SNX8: variants seen among roughly 807,000 people sequenced by gnomAD.
SNX8 encodes the protein sorting nexin-8.
Under a neutral mutation model 51.6 loss-of-function variants are expected in SNX8, and 25 were observed. The observed-to-expected ratio is 0.48, with a 90% CI of 0.35 to 0.68. The LOEUF is 0.68. Ranked by LOEUF, SNX8 falls within the 30% of genes least tolerant of loss-of-function variation. SNX8 has a pLI of 0.00. For missense variants in SNX8, 695 were observed against 624.0 expected, an observed-to-expected ratio of 1.11 and a Z score of -1.21; for synonymous variants, 324 against 277.0, an observed-to-expected ratio of 1.17 and a Z score of -1.68.
chr7:2,334,639 G>A (rs1448853660), intron 1 of SNX8, among the ~76,000 whole-genome samples: 1 of 152,090 alleles, frequency 6.6e-6, no homozygotes, highest in Admixed American at 6.6e-5. Context: ...GGCAGAGGTT[G>A]CAGTAAGCTG....
chr7:2,320,329 T>G (rs1335687919), intron 1 of SNX8, among the ~76,000 whole-genome samples: 1 of 152,104 alleles, frequency 6.6e-6, no homozygotes, highest in African/African-American at 2.4e-5. Context: ...CCTCAGATAA[T>G]TCAAATGTGC....
In SNX8 at chr7:2,268,413, G is replaced by A. The variant is rs1394530463; in HGVS notation, c.621+1146C>T. On this transcript the variant is annotated intron_variant, in intron 5 of 10. Coordinates refer to ENST00000222990, the MANE Select transcript of SNX8 (RefSeq NM_013321.4). ...CCACCCCATCTGGGAAGTGAGGAGC[G>A]TCTCCGCCCGGCAGCCACCCCATCC... 7.5e-4 allele frequency among the ~76,000 whole-genome samples: 104 copies of A among 138,178 alleles called. 1 individual carries two copies. Among genetic ancestry groups the A allele is most frequent in the Non-Finnish European group, 1.3e-3 (82 of 63,472 alleles). 90.7% of individuals were successfully genotyped at this position (138,178 alleles called of 152,430 possible). A position where few individuals can be genotyped will look rare whatever the true frequency, so the allele number is the denominator to read the frequency against.
rs139537688 is a variant in SNX8 at position 2,253,590 on chromosome 7, C to T, written c.*1466G>A. On this transcript the variant is annotated 3_prime_UTR_variant, in exon 11 of 11. Coordinates refer to ENST00000222990, the MANE Select transcript of SNX8 (RefSeq NM_013321.4). ...CATCTGGCCAGAAGGAAGCAGCCCA[C>T]CTCACAGCAGGAAGGCAGCAGCAGA... 516 of 152,884 alleles carry T rather than the reference C, an allele frequency of 3.4e-3. 12 individuals carry two copies. Among genetic ancestry groups the T allele is most frequent in the Admixed American group, 0.025 (377 of 15,310 alleles). 9.5% of individuals were successfully genotyped at this position (152,884 alleles called of 1,614,324 possible).
intron 1 of SNX8, among the ~76,000 whole-genome samples, chr7:2,347,363 C>T (rs1779051155): frequency 2.0e-5 from 3 of 151,120 alleles, no homozygotes; most frequent in Admixed American, 6.6e-5. Flanking sequence ...CGCCTGTAGT[C>T]CTCAATCCTC....
chr7:2,256,638 T>A (rs1016605892), intron 10 of SNX8, among the ~76,000 whole-genome samples: 2 of 152,208 alleles, frequency 1.3e-5, no homozygotes, highest in Non-Finnish European at 2.9e-5. Context: ...ACTCTCCCTG[T>A]CTGCTCCTCC....
intron 4 of SNX8, 74 bp downstream of exon 4, chr7:2,271,776 G>A (rs1795649056): frequency 6.6e-7 from 1 of 1,522,394 alleles, no homozygotes; most frequent in Non-Finnish European, 8.9e-7. Context: ...AACCACACCT[G>A]AGAGAGGAAA....
chr7:2,324,682 G>A (rs1778594753), intron 1 of SNX8, among the ~76,000 whole-genome samples: 1 of 152,172 alleles, frequency 6.6e-6, no homozygotes, highest in Non-Finnish European at 1.5e-5. Flanking sequence ...ACCAAGACCA[G>A]AAAAGTTCAA....
rs922146137 is a variant in SNX8 at position 2,272,102 on chromosome 7, C to G, written c.419-131G>C. 1.3e-5 allele frequency: 17 copies of G among 1,261,608 alleles called. No individual in the cohort carries two copies. In the East Asian group the frequency reaches 4.2e-4, roughly 31 times the overall value. The allele number at this position is 1,261,608 out of a possible 1,614,324, so 78.2% of individuals were successfully genotyped here. ...CGGCTAGCAGAGGGCACTGGCTGGG[C>G]CCCCAGTGCTGCTCAGACAATGGGT... On this transcript the variant is annotated intron_variant, in intron 3 of 10. Transcript: ENST00000222990.
At chr7:2,264,482 A>T in intron 5 of SNX8, 24 bp from the exon 6 acceptor site, 2 of 1,601,844 alleles carry the variant, frequency 1.2e-6, no homozygotes, top group Non-Finnish European at 1.7e-6. Context: ...GGGGGGAGAG[A>T]CACTGTGTTA....
chr7:2,323,639 T>G (rs6964503), intron 1 of SNX8, among the ~76,000 whole-genome samples: 5,219 of 152,222 alleles, frequency 0.034, 199 homozygotes, highest in African/African-American at 0.08. Context: ...TAAGACTCAT[T>G]GCTGTTCACA....
intron 1 of SNX8, among the ~76,000 whole-genome samples, chr7:2,326,099 C>T (rs1000754896): frequency 1.3e-5 from 2 of 151,834 alleles, no homozygotes; most frequent in African/African-American, 4.8e-5. Context: ...CAGCCAGGCA[C>T]GGTGGCTCAT....
At chr7:2,301,880 A>G (rs1333874676) in intron 1 of SNX8, among the ~76,000 whole-genome samples, 3 of 152,038 alleles carry the variant, frequency 2.0e-5, no homozygotes, top group South Asian at 2.1e-4. Context: ...AGGACTACCT[A>G]CTTCTCAGCT....
intron 1 of SNX8, among the ~76,000 whole-genome samples, chr7:2,304,763 CAG>C (rs1796509603): frequency 6.6e-6 from 1 of 152,156 alleles, no homozygotes; most frequent in Admixed American, 6.6e-5. Flanking sequence ...ACTGCACACA[CAG>C]AGACACTCCC....
chr7:2,352,943 T>C (rs952220971), intron 1 of SNX8, among the ~76,000 whole-genome samples: 3 of 151,754 alleles, frequency 2.0e-5, no homozygotes, highest in African/African-American at 7.3e-5. Flanking sequence ...TGATGAGGAG[T>C]AGTCAAACCT....
chr7:2,307,648 A>G, intron 1 of SNX8: 1 of 150,894 alleles, frequency 6.6e-6, no homozygotes, highest in Non-Finnish European at 1.5e-5. Flanking sequence ...AAAAAAAAAA[A>G]AAAAAAAAAA....
intron 1 of SNX8, among the ~76,000 whole-genome samples, chr7:2,345,205 C>T (rs763270965): frequency 1.4e-4 from 21 of 152,028 alleles, no homozygotes; most frequent in Middle Eastern, 3.4e-3. Flanking sequence ...TACTTTTATA[C>T]GAATGTGAAG....
chr7:2,317,957 C>T (rs1796782244), upstream of SNX8, among the ~76,000 whole-genome samples: 1 of 152,168 alleles, frequency 6.6e-6, no homozygotes. Context: ...CCTTCCTCCA[C>T]CCTCACTTCC....
intron 1 of SNX8, among the ~76,000 whole-genome samples, chr7:2,289,326 C>T (rs866611592): frequency 3.9e-5 from 6 of 152,320 alleles, no homozygotes; most frequent in African/African-American, 7.2e-5. Context: ...CATAACATAT[C>T]TACAAGTGAA....
chr7:2,260,094 A>ACAG (rs1795300053), intron 7 of SNX8, among the ~76,000 whole-genome samples: 1 of 152,056 alleles, frequency 6.6e-6, no homozygotes. Context: ...CAGAAAGTTT[A>ACAG]CAGATTTGGC....
Sources: allele counts gnomAD v4.1 joint callset (sites outside exome capture counted in the v4.1 genomes callset), GRCh38; gene constraint gnomAD v4.1.1; transcripts MANE v1.5; gene names NCBI Gene and HGNC (gene_info 2026-07-23, HGNC 2026-07-21).